Variants in COL26A1 observed in about 807,000 individuals in gnomAD.
The protein encoded by COL26A1 is collagen alpha-1(XXVI) chain.
Under a neutral mutation model 59.3 loss-of-function variants are expected in COL26A1, and 41 were observed. The ratio of observed to expected loss-of-function variants is 0.69; its 90% CI spans 0.54 to 0.90. The LOEUF is 0.90. COL26A1 is among the 40% of genes least tolerant of loss of function. The pLI, the probability that COL26A1 is intolerant of heterozygous loss-of-function variation, is 0.00. For missense variants in COL26A1, 612 were observed against 602.3 expected (o/e 1.02, Z -0.17); for synonymous variants, 266 against 256.0 (o/e 1.04, Z -0.37).
chr7:101,415,486 TA>T lies in COL26A1; in HGVS notation c.159-4489del, dbSNP rs145717717. On this transcript the variant is annotated intron_variant, in intron 1 of 12. Coordinates refer to ENST00000313669, the MANE Select transcript of COL26A1 (RefSeq NM_001278563.3). The stretch of plus-strand genomic sequence containing the variant: ...AACCTTAAAAGTTAGATTTTAAATA[TA>T]ACTGAGGCTCAGAGAAGGGACATCA... Among the ~76,000 whole-genome samples, 518 of 152,186 alleles carry T rather than the reference TA, an allele frequency of 3.4e-3. 7 individuals are homozygous for T. The highest frequency in any genetic ancestry group is 0.011 in the African/African-American group (466 of 41,538).
intron 3 of COL26A1, among the ~76,000 whole-genome samples, chr7:101,463,780 T>TCTTTCTCTCTCTTTCTTC (rs1793680121): frequency 7.9e-6 from 1 of 126,930 alleles, no homozygotes; most frequent in African/African-American, 3.2e-5. Context: ...CTTCTTTCTT[T>TCTTTCTCTCTCTTTCTTC]CTTTCTTCCT....
At chr7:101,518,181 C>T (rs935490352) in intron 3 of COL26A1, among the ~76,000 whole-genome samples, 6 of 152,158 alleles carry the variant, frequency 3.9e-5, no homozygotes, top group Non-Finnish European at 5.9e-5. Flanking sequence ...GAACCTTGCC[C>T]GCATCTTGCT....
chr7:101,396,183 G>T (rs1302241304), intron 1 of COL26A1, among the ~76,000 whole-genome samples: 1 of 152,032 alleles, frequency 6.6e-6, no homozygotes, highest in South Asian at 2.1e-4. Context: ...GGGGATAATT[G>T]CTTGAACCCA....
intron 2 of COL26A1, among the ~76,000 whole-genome samples, chr7:101,442,859 A>C (rs1793093500): frequency 1.3e-5 from 2 of 152,104 alleles, no homozygotes; most frequent in South Asian, 4.1e-4. Flanking sequence ...GCGTGTGTGG[A>C]AGTGTGCACG....
intron 3 of COL26A1, among the ~76,000 whole-genome samples, chr7:101,467,920 G>C (rs972172066): frequency 2.0e-5 from 3 of 151,904 alleles, no homozygotes; most frequent in African/African-American, 7.3e-5. Context: ...AACCTACCTG[G>C]CCCCCAGGTA....
At chr7:101,405,874 G>A (rs758130994) in intron 1 of COL26A1, among the ~76,000 whole-genome samples, 6 of 152,226 alleles carry the variant, frequency 3.9e-5, no homozygotes, top group Non-Finnish European at 7.3e-5. Context: ...CGCAGGCAAG[G>A]AGCCGATGCT....
At chr7:101,487,728 C>T (rs1794298520) in intron 3 of COL26A1, among the ~76,000 whole-genome samples, 1 of 152,138 alleles carries the variant, frequency 6.6e-6, no homozygotes, top group Admixed American at 6.6e-5. Context: ...CTGTGGTTGG[C>T]CACCCTGCCC....
At chr7:101,435,132 C>T (rs898404365) in intron 2 of COL26A1, among the ~76,000 whole-genome samples, 6 of 152,136 alleles carry the variant, frequency 3.9e-5, no homozygotes, top group Non-Finnish European at 7.3e-5. Flanking sequence ...CGAGACCAGC[C>T]TGGCCAACAT....
intron 3 of COL26A1, among the ~76,000 whole-genome samples, chr7:101,512,321 G>C (rs1715014517): frequency 6.6e-6 from 1 of 151,932 alleles, no homozygotes; most frequent in Admixed American, 6.6e-5. Context: ...AATTTGGCTG[G>C]AAAAAATCAA....
At chr7:101,389,768 G>A (rs1432067260) in intron 1 of COL26A1, among the ~76,000 whole-genome samples, 2 of 152,072 alleles carry the variant, frequency 1.3e-5, no homozygotes, top group African/African-American at 4.8e-5. Flanking sequence ...GGGCAGGCTG[G>A]TCTCGAACTC....
chr7:101,550,157 T>A (rs180915664), intron 9 of COL26A1, among the ~76,000 whole-genome samples: 215 of 152,238 alleles, frequency 1.4e-3, no homozygotes, highest in Middle Eastern at 3.4e-3. Flanking sequence ...CTTATTTACA[T>A]CTTTAAAAAG....
Position 101,456,809 on chromosome 7 carries a change from C to A in COL26A1, c.385+9022C>A, listed in dbSNP as rs570477235. 2.0e-5 allele frequency among the ~76,000 whole-genome samples: 3 copies of A among 152,264 alleles called. No individual in the cohort carries two copies. The South Asian group carries it at 6.2e-4, about 32-fold the overall frequency. ...GGGATTTTAGGTGTAAGCCACTGTGCCAGGCCCACAGATGTTAAATGTACA... is the reference window on the plus strand; with the variant it reads ...GGGATTTTAGGTGTAAGCCACTGTGACAGGCCCACAGATGTTAAATGTACA... On this transcript the variant is annotated intron_variant, in intron 3 of 12. Transcript: ENST00000313669.
intron 1 of COL26A1, among the ~76,000 whole-genome samples, chr7:101,385,947 G>A (rs1043261239): frequency 2.1e-4 from 32 of 151,740 alleles, no homozygotes; most frequent in African/African-American, 7.2e-4. Context: ...TCCTGACCTC[G>A]TGATCTGCCT....
intron 3 of COL26A1, among the ~76,000 whole-genome samples, chr7:101,508,306 G>C (rs1423230985): frequency 6.6e-6 from 1 of 152,128 alleles, no homozygotes; most frequent in Non-Finnish European, 1.5e-5. Context: ...AGGATTGCTT[G>C]AGGCCAGGAG....
chr7:101,454,655 G>A (rs1232589196), intron 3 of COL26A1, among the ~76,000 whole-genome samples: 2 of 152,110 alleles, frequency 1.3e-5, no homozygotes, highest in Non-Finnish European at 2.9e-5. Context: ...CAGGCATAGC[G>A]CTGAAGTGCT....
intron 3 of COL26A1, among the ~76,000 whole-genome samples, chr7:101,466,430 A>G (rs1415365652): frequency 6.6e-6 from 1 of 152,086 alleles, no homozygotes; most frequent in Non-Finnish European, 1.5e-5. Context: ...AGCCGGGCAC[A>G]GTGACTCATA....
chr7:101,362,631 C>T (rs1194381435), upstream of COL26A1, among the ~76,000 whole-genome samples: 13 of 152,172 alleles, frequency 8.5e-5, no homozygotes. Context: ...AAAGCATTCG[C>T]GGACCCGAAG....
chr7:101,383,618 T>G (rs10266584), intron 1 of COL26A1, among the ~76,000 whole-genome samples: 9,330 of 152,138 alleles, frequency 0.061, 659 homozygotes, highest in African/African-American at 0.16. Context: ...CACTGCAATC[T>G]CTGCCTCCCC....
chr7:101,384,234 T>G (rs966785464), intron 1 of COL26A1, among the ~76,000 whole-genome samples: 16 of 145,734 alleles, frequency 1.1e-4, no homozygotes, highest in African/African-American at 4.2e-4. Flanking sequence ...AGGCTGGTTT[T>G]TTTTTTTTTT....
Sources: gnomAD v4.1 joint callset for allele counts (sites outside exome capture counted in the v4.1 genomes callset) on GRCh38, gnomAD v4.1.1 for gene constraint, MANE v1.5 for transcripts, NCBI Gene and HGNC (gene_info 2026-07-23, HGNC 2026-07-21) for gene names.